TAOK2: variants seen among roughly 807,000 people sequenced by gnomAD.
The protein encoded by TAOK2 is serine/threonine-protein kinase TAO2.
A neutral mutation model predicts 122.5 loss-of-function variants in TAOK2; 42 were observed. The ratio of observed to expected loss-of-function variants is 0.34; its 90% CI spans 0.27 to 0.44. The LOEUF (loss-of-function observed/expected upper bound fraction) is 0.44, where lower values mean the gene tolerates loss of function less well. Among genes scored for constraint, TAOK2 ranks in the 20% least tolerant of loss-of-function variants. The probability of loss-of-function intolerance (pLI) is 1.00; values close to 1 mark genes in which losing one functional copy is unlikely to be tolerated. For synonymous variants in TAOK2, 704 were observed against 677.6 expected (o/e 1.04, Z -0.61); for missense variants, 1,264 against 1,644.9 (o/e 0.77, Z 4.01).
chr16:29,978,332 C>T lies in TAOK2; in HGVS notation c.285C>T (p.Tyr95=), dbSNP rs373920588. Residue 95 remains tyrosine, a synonymous_variant, in exon 4 of 16, where the codon TAC becomes TAT. Coordinates refer to ENST00000308893, the MANE Select transcript of TAOK2 (RefSeq NM_016151.4). ...HPNTIQYRGC[Y]LREHTAWLVM... is the part of the protein sequence containing the mutation. ...ACACCATTCAGTACCGGGGCTGTTA[C>T]CTGAGGGAGCACACGGCTTGGGTGA... is the stretch of plus-strand genomic sequence containing the variant. The T allele has an allele frequency of 1.9e-6, 3 of 1,614,154 alleles. No homozygotes were observed. Among genetic ancestry groups the T allele is most frequent in the Non-Finnish European group, 2.5e-6 (3 of 1,180,026 alleles).
chr16:29,988,652 C>T, downstream of TAOK2: 14 of 985,462 alleles, frequency 1.4e-5, no homozygotes, highest in South Asian at 4.7e-5. Flanking sequence ...TTGCGGGTTC[C>T]TTCCAGAGGT....
At chr16:29,984,561 T>A (rs1340861078) in intron 13 of TAOK2, among the ~76,000 whole-genome samples, 1 of 152,146 alleles carries the variant, frequency 6.6e-6, no homozygotes, top group Non-Finnish European at 1.5e-5. Context: ...TGTTGTGCGG[T>A]ACTGTGCTGA....
chr16:29,986,132 A>C lies in TAOK2; in HGVS notation c.1993-133A>C. 7.3e-7 allele frequency: 1 copy of C among 1,364,166 alleles called. No homozygotes were observed. The highest frequency in any genetic ancestry group is 2.4e-5 in the Admixed American group (1 of 42,320). 84.5% of individuals were successfully genotyped at this position (1,364,166 alleles called of 1,614,324 possible). A position where few individuals can be genotyped will look rare whatever the true frequency, so the allele number is the denominator to read the frequency against. On this transcript the variant is annotated intron_variant, in intron 15 of 15. Transcript: ENST00000308893. The surrounding 1 kb of genome is among the most constrained non-coding windows in gnomAD (Gnocchi z 4.2). Reference sequence around the variant, plus strand: ...CTCTGCCAAGGAGCCCTGGCCCCTCACTTCCTTGATACTGACCAGGCCCTG... The same window carrying C: ...CTCTGCCAAGGAGCCCTGGCCCCTCCCTTCCTTGATACTGACCAGGCCCTG...
chr16:29,988,794 G>A, downstream of TAOK2: 5 of 985,430 alleles, frequency 5.1e-6, no homozygotes, highest in Non-Finnish European at 6.0e-6. Flanking sequence ...ACCCTCCACA[G>A]TAGGGGGTGC....
rs2069622894 is a variant in TAOK2, at chr16:29,981,733, C to T, written c.728C>T (p.Pro243Leu). Reference protein sequence around the residue: ...ALYHIAQNESPVLQSGHWSEY... With the variant: ...ALYHIAQNESLVLQSGHWSEY... ...TACCACATTGCACAGAACGAATCCCCCGTGCTCCAGTCAGGACACTGGTGA... is the reference window on the plus strand; with the variant it reads ...TACCACATTGCACAGAACGAATCCCTCGTGCTCCAGTCAGGACACTGGTGA... Residue 243 changes from proline (P) to leucine (L), a missense_variant, in exon 9 of 16, where the codon CCC becomes CTC. Transcript: ENST00000308893. 1 of 1,614,066 alleles carries T rather than the reference C, an allele frequency of 6.2e-7. No individual in the cohort carries two copies. Among genetic ancestry groups the T allele is most frequent in the South Asian group, 1.1e-5 (1 of 91,088 alleles).
Position 29,987,298 on chromosome 16 carries a change from C to T in TAOK2, c.3026C>T (p.Ala1009Val), listed in dbSNP as rs948537507. ...LGASYLLLCT[A>V]LHLPSSLFLL... ...GCCTCCTACCTGCTCCTTTGTACAGCCCTGCACCTGCCCTCCAGTCTTTTC... is the reference window on the plus strand; with the variant it reads ...GCCTCCTACCTGCTCCTTTGTACAGTCCTGCACCTGCCCTCCAGTCTTTTC... Residue 1009 changes from alanine to valine, a missense_variant, in exon 16 of 16, where the codon GCC becomes GTC. Coordinates refer to ENST00000308893, the MANE Select transcript of TAOK2 (RefSeq NM_016151.4). 1 of 1,527,694 alleles carries T rather than the reference C, an allele frequency of 6.5e-7. No homozygotes were observed. Among genetic ancestry groups the T allele is most frequent in the Non-Finnish European group, 8.8e-7 (1 of 1,140,486 alleles). 94.6% of individuals were successfully genotyped at this position (1,527,694 alleles called of 1,614,324 possible).
Position 29,977,901 on chromosome 16 carries a change from C to T in TAOK2, c.129C>T (p.Tyr43=), listed in dbSNP as rs1264652951. The T allele has an allele frequency of 5.6e-6, 9 of 1,614,048 alleles. No homozygotes were observed. Among genetic ancestry groups the T allele is most frequent in the African/African-American group, 4.0e-5 (3 of 74,916 alleles). ...EIGHGSFGAV[Y]FARDVRNSEV... ...GCCATGGCAGCTTTGGAGCCGTATA[C>T]TTTGTGAGTTGGGTCTTGGGAGGGT... Residue 43 remains tyrosine, a synonymous_variant, in exon 2 of 16, where the codon TAC becomes TAT. Transcript: ENST00000308893.
At chr16:29,975,125 C>CGT (rs377313625) in intron 1 of TAOK2, among the ~76,000 whole-genome samples, 8 of 151,816 alleles carry the variant, frequency 5.3e-5, no homozygotes, top group East Asian at 1.9e-4. Flanking sequence ...TGTGTGTATG[C>CGT]GTGTGTGTGT....
At position 29,988,333 on chromosome 16, in the gene TAOK2, T is replaced by C. The variant is rs1244887900; in HGVS notation, c.*353T>C. The C allele has an allele frequency of 7.2e-7, 1 of 1,397,078 alleles. No individual in the cohort carries two copies. Among genetic ancestry groups the C allele is most frequent in the African/African-American group, 1.4e-5 (1 of 69,556 alleles). The allele number at this position is 1,397,078 out of a possible 1,614,324, so 86.5% of individuals were successfully genotyped here. On this transcript the variant is annotated 3_prime_UTR_variant, in exon 16 of 16. Transcript: ENST00000308893. ...TTGTTTTTCTGTCTCCCTTCCAACC[T>C]GTCCCCTTCCCCCCACCAAAAAAAG...
At chr16:29,983,697 C>G (rs770871339) in intron 13 of TAOK2, 33 bp downstream of exon 13, 1 of 1,582,562 alleles carries the variant, frequency 6.3e-7, no homozygotes, top group Non-Finnish European at 8.6e-7. Flanking sequence ...AGCCTGCTCG[C>G]TGTCTGTTTT....
chr16:29,978,209 C>A (rs2069514093), intron 3 of TAOK2, 43 bp from the exon 4 acceptor site: 1 of 1,613,930 alleles, frequency 6.2e-7, no homozygotes, highest in South Asian at 1.1e-5. Context: ...ACTCCTGTCT[C>A]AAGATGCAAG....
chr16:29,988,267 G>A lies in TAOK2; in HGVS notation c.*287G>A, dbSNP rs1353880073. 1 of 1,470,374 alleles carries A rather than the reference G, an allele frequency of 6.8e-7. No individual in the cohort carries two copies. The allele number at this position is 1,470,374 out of a possible 1,614,324, so 91.1% of individuals were successfully genotyped here. On this transcript the variant is annotated 3_prime_UTR_variant, in exon 16 of 16. Coordinates refer to ENST00000308893, the MANE Select transcript of TAOK2 (RefSeq NM_016151.4). Reference sequence around the variant, plus strand: ...ACTCAGGCCTGGGGCCAGGGGTGGTGGAGGGTGGGAAGAGTCATGTTTTTT... The same window carrying A: ...ACTCAGGCCTGGGGCCAGGGGTGGTAGAGGGTGGGAAGAGTCATGTTTTTT...
In TAOK2 at chr16:29,983,173, C is replaced by T. The variant is rs138953442; in HGVS notation, c.1101C>T (p.Ser367=). 65 of 1,613,930 alleles carry T rather than the reference C, an allele frequency of 4.0e-5. No homozygotes were observed. The African/African-American group carries it at 5.6e-4, about 14-fold the overall frequency. The part of the protein sequence containing the change: ...MSISASSQSS[S]VNSLADASDN... ...TCAGCGCCTCCAGCCAGAGCAGCTC[C>T]GTCAACAGCCTAGCAGATGCCTCAG... The change falls in exon 12 of 16, where the codon TCC becomes TCT. Residue 367 remains serine, a synonymous_variant. Transcript: ENST00000308893.
At position 29,987,840 on chromosome 16, in the gene TAOK2, C is replaced by T. The variant is rs756806042; in HGVS notation, c.3568C>T (p.Arg1190Trp). The change falls in exon 16 of 16, where the codon CGG becomes TGG. Residue 1190 changes from arginine (R) to tryptophan (W), a missense_variant. Arg to Trp is a moderately radical substitution (Grantham distance 101). Transcript: ENST00000308893. ...LASWGLLRGE[R>W]PTRIPRLLPR... ...CAGCTGGGGCCTGCTTCGGGGTGAA[C>T]GGCCCACCCGAATCCCCCGGCTACT... 6.5e-5 allele frequency: 104 copies of T among 1,611,680 alleles called. No individual in the cohort carries two copies. The highest frequency in any genetic ancestry group is 8.0e-5 in the Non-Finnish European group (94 of 1,179,580).
chr16:29,981,340 T>C (rs552931219), intron 8 of TAOK2: 44 of 566,648 alleles, frequency 7.8e-5, no homozygotes, highest in South Asian at 6.5e-4. Context: ...ATAGCAATTA[T>C]CAAGTTATCT....
downstream of TAOK2, chr16:29,991,328 GTC>G: frequency 6.2e-7 from 1 of 1,606,008 alleles, no homozygotes; most frequent in Non-Finnish European, 8.5e-7. The surrounding 1 kb of genome is among the most constrained non-coding windows in gnomAD (Gnocchi z 5.6). Flanking sequence ...GGCGTCAGCC[GTC>G]TCTGCTGGCT....
chr16:29,986,341 TG>T lies in TAOK2; in HGVS notation c.2071del (p.Glu691SerfsTer81). ...LLRQHEATRE[L>X]ELRQLQAVQR... ...CGGCAGCACGAGGCCACGCGGGAGC[TG>T]GAGCTGCGGCAGCTCCAGGCCGTGC... On this transcript the variant is annotated frameshift_variant, in exon 16 of 16. Transcript: ENST00000308893. LOFTEE classifies it high-confidence loss of function. The surrounding 1 kb of genome is among the most constrained non-coding windows in gnomAD (Gnocchi z 4.2). 6.3e-7 allele frequency: 1 copy of T among 1,581,996 alleles called. No homozygotes were observed. Among genetic ancestry groups the T allele is most frequent in the African/African-American group, 1.4e-5 (1 of 73,864 alleles).
rs1448373532 is a variant in TAOK2 at position 29,979,101 on chromosome 16, G to T, written c.449+31G>T. On this transcript the variant is annotated intron_variant, in intron 6 of 15. Coordinates refer to ENST00000308893, the MANE Select transcript of TAOK2 (RefSeq NM_016151.4). This position sits in a 1 kb window ranked among gnomAD's most constrained non-coding sequence, Gnocchi z 4.1. Reference sequence around the variant, plus strand: ...AGCAGCACCGGCAGTGCCTGGGAGGGGAGTGCTATCTGCACCACCTGTCAC... The same window carrying T: ...AGCAGCACCGGCAGTGCCTGGGAGGTGAGTGCTATCTGCACCACCTGTCAC... 2 of 1,613,608 alleles carry T rather than the reference G, an allele frequency of 1.2e-6. No homozygotes were observed. The highest frequency in any genetic ancestry group is 1.3e-5 in the African/African-American group (1 of 75,024).
chr16:29,991,932 CCT>C (rs1248189437), downstream of TAOK2: 1 of 175,454 alleles, frequency 5.7e-6, no homozygotes, highest in Admixed American at 6.3e-5. This position sits in a 1 kb window ranked among gnomAD's most constrained non-coding sequence, Gnocchi z 5.6. Context: ...ACAGTGAGGC[CCT>C]CAGACCTGCC....
Sources: gnomAD v4.1 joint callset for allele counts (sites outside exome capture counted in the v4.1 genomes callset) on GRCh38, gnomAD v4.1.1 for gene constraint, Gnocchi (gnomAD v3.1) non-coding constraint, MANE v1.5 for transcripts, NCBI Gene and HGNC (gene_info 2026-07-23, HGNC 2026-07-21) for gene names.